Variants in FHIT observed in about 807,000 individuals in gnomAD.
FHIT encodes fragile histidine triad diadenosine triphosphatase, also known as bis(5'-adenosyl)-triphosphatase.
In FHIT, 19 loss-of-function variants were observed where a neutral mutation model predicts 17.9. The ratio of observed to expected loss-of-function variants is 1.06; its 90% confidence interval spans 0.74 to 1.56. The LOEUF (loss-of-function observed/expected upper bound fraction) is 1.56. Ranked by LOEUF, FHIT falls within the 40% of genes most tolerant of loss-of-function variation. The pLI is 0.00. For synonymous variants in FHIT, 81 were observed against 69.7 expected, an observed-to-expected ratio of 1.16 and a Z score of -0.81; for missense variants, 248 against 189.2, an observed-to-expected ratio of 1.31 and a Z score of -1.82.
intron 8 of FHIT, among the ~76,000 whole-genome samples, chr3:59,873,635 C>G (rs1703019935): frequency 6.6e-6 from 1 of 152,122 alleles, no homozygotes; most frequent in Non-Finnish European, 1.5e-5. Flanking sequence ...CATCCCTGGC[C>G]TCTACCTACT....
rs746649804 is a variant in FHIT at position 61,036,901 on chromosome 3, G to GTTTTT, written c.-111+5141_-111+5145dup. Among the ~76,000 whole-genome samples, 91 of 70,274 alleles carry GTTTTT rather than the reference G, an allele frequency of 1.3e-3. 3 individuals are homozygous for GTTTTT. Among genetic ancestry groups the GTTTTT allele is most frequent in the African/African-American group, 2.2e-3 (68 of 31,294 alleles). 46.1% of individuals were successfully genotyped at this position (70,274 alleles called of 152,430 possible). On this transcript the variant is annotated intron_variant, in intron 3 of 9. Transcript: ENST00000492590. ...TTCACCTCAAAGATCAGTCTGCTTT[G>GTTTTT]TTTTTTTTTTTTGTTTGTTTGTTTT...
intron 4 of FHIT, among the ~76,000 whole-genome samples, chr3:60,548,165 G>C (rs1027149553): frequency 5.4e-5 from 8 of 148,554 alleles, no homozygotes; most frequent in East Asian, 2.0e-4. Context: ...GAGAGAGAGA[G>C]ACACTCTTCA....
chr3:61,220,787 A>C (rs997341987), intron 1 of FHIT, among the ~76,000 whole-genome samples: 1 of 152,222 alleles, frequency 6.6e-6, no homozygotes, highest in African/African-American at 2.4e-5. Flanking sequence ...AGGAAAGGTT[A>C]GTTTTGAGTT....
At position 60,126,441 on chromosome 3, in the gene FHIT, C is replaced by A. The variant is rs766164363; in HGVS notation, c.104-112289G>T. Among the ~76,000 whole-genome samples the A allele has an allele frequency of 9.9e-5, 15 of 152,148 alleles. 1 individual carries two copies. Among genetic ancestry groups the A allele is most frequent in the Non-Finnish European group, 2.2e-4 (15 of 68,024 alleles). ...GTTAGGGAATACAGTAACAAACAAA[C>A]AAGTCATGATCTCTCATGGAATTCT... On this transcript the variant is annotated intron_variant, in intron 5 of 9. Transcript: ENST00000492590.
At chr3:60,845,519 A>C (rs1489974606) in intron 3 of FHIT, among the ~76,000 whole-genome samples, 4 of 152,148 alleles carry the variant, frequency 2.6e-5, no homozygotes, top group Non-Finnish European at 5.9e-5. Flanking sequence ...TGCATAAAAT[A>C]GTTTTCAAAA....
chr3:61,051,932 C>A (rs2034043569), intron 2 of FHIT, among the ~76,000 whole-genome samples: 1 of 152,124 alleles, frequency 6.6e-6, no homozygotes, highest in Admixed American at 6.5e-5. Flanking sequence ...CTAGTAATTT[C>A]CACACACCAT....
At chr3:59,804,615 T>A (rs1189125038) in intron 8 of FHIT, among the ~76,000 whole-genome samples, 1 of 152,218 alleles carries the variant, frequency 6.6e-6, no homozygotes, top group African/African-American at 2.4e-5. Flanking sequence ...ACTGGGTGTA[T>A]GCCCTATGTA....
chr3:60,252,763 G>A lies in FHIT; in HGVS notation c.104-238611C>T, dbSNP rs147719117. 3.5e-3 allele frequency among the ~76,000 whole-genome samples: 532 copies of A among 152,068 alleles called. 16 individuals carry two copies. The East Asian group carries it at 0.081, about 23-fold the overall frequency. ...CCCAGCACTTTGGGAGGCCGAGGCC[G>A]GTGGATCACTAGGTCAGAAGATCGA... is the stretch of plus-strand genomic sequence containing the variant. On this transcript the variant is annotated intron_variant, in intron 5 of 9. Transcript: ENST00000492590.
intron 8 of FHIT, among the ~76,000 whole-genome samples, chr3:59,838,817 A>G (rs1374093741): frequency 6.6e-6 from 1 of 152,076 alleles, no homozygotes; most frequent in Non-Finnish European, 1.5e-5. Context: ...GTGTTTTTTG[A>G]GGAGCCCTAG....
chr3:60,578,166 T>C lies in FHIT; in HGVS notation c.-17-41187A>G, dbSNP rs149912094. On this transcript the variant is annotated intron_variant, in intron 4 of 9. Transcript: ENST00000492590. The stretch of plus-strand genomic sequence containing the variant: ...AAAGTGCACACTTTAGTGCCCAGTG[T>C]GGTGGCTCACACCTGTAATCCCAGC... Among the ~76,000 whole-genome samples, 470 of 152,196 alleles carry C rather than the reference T, an allele frequency of 3.1e-3. 6 individuals carry two copies. Among genetic ancestry groups the C allele is most frequent in the African/African-American group, 0.011 (453 of 41,554 alleles).
chr3:60,364,117 A>C (rs1373501204), intron 5 of FHIT, among the ~76,000 whole-genome samples: 1 of 152,180 alleles, frequency 6.6e-6, no homozygotes, highest in Non-Finnish European at 1.5e-5. Context: ...ATATATGCTG[A>C]TTTGAATGTA....
rs149359672 is a variant in FHIT, at chr3:60,907,734, C to A, written c.-110-85723G>T. Reference sequence around the variant, plus strand: ...TACAACAAAATGTTAATAACTGGATCCTCAAGGGGGAAGAGTAATTGGGAT... The same window carrying A: ...TACAACAAAATGTTAATAACTGGATACTCAAGGGGGAAGAGTAATTGGGAT... On this transcript the variant is annotated intron_variant, in intron 3 of 9. Transcript: ENST00000492590. Among the ~76,000 whole-genome samples, 1,484 of 152,200 alleles carry A rather than the reference C, an allele frequency of 9.8e-3. 17 individuals carry two copies. Among genetic ancestry groups the A allele is most frequent in the Non-Finnish European group, 0.017 (1,170 of 67,994 alleles).
intron 2 of FHIT, among the ~76,000 whole-genome samples, chr3:61,180,894 T>A (rs894654813): frequency 6.6e-6 from 1 of 152,224 alleles, no homozygotes; most frequent in African/African-American, 2.4e-5. Flanking sequence ...GGGGCATAGT[T>A]AATGATAGTA....
At chr3:59,838,574 T>C (rs1174633244) in intron 8 of FHIT, among the ~76,000 whole-genome samples, 1 of 152,138 alleles carries the variant, frequency 6.6e-6, no homozygotes, top group South Asian at 2.1e-4. Context: ...GACACTAGCA[T>C]CTGCTCTACT....
At chr3:60,820,545 A>G (rs561709489) in intron 4 of FHIT, among the ~76,000 whole-genome samples, 1 of 152,166 alleles carries the variant, frequency 6.6e-6, no homozygotes, top group Non-Finnish European at 1.5e-5. Context: ...TCCCACAACA[A>G]GATGCAGCAA....
chr3:60,806,065 T>G (rs1328836779), intron 4 of FHIT, among the ~76,000 whole-genome samples: 1 of 152,218 alleles, frequency 6.6e-6, no homozygotes, highest in Admixed American at 6.5e-5. Flanking sequence ...CTTTGCTCCT[T>G]AAGTCCTGGC....
chr3:60,029,398 G>A (rs930862220), intron 5 of FHIT, among the ~76,000 whole-genome samples: 3 of 152,186 alleles, frequency 2.0e-5, no homozygotes, highest in Non-Finnish European at 2.9e-5. Context: ...TTTAAAACCT[G>A]TGCCAAGAAC....
At chr3:59,752,393 T>C in intron 8 of FHIT, 72 bp from the exon 9 acceptor site, 1 of 1,187,776 alleles carries the variant, frequency 8.4e-7, no homozygotes, top group Non-Finnish European at 1.2e-6. Flanking sequence ...TTCGGGGGGC[T>C]GGGGGAGACT....
chr3:60,681,180 C>A (rs782600041), intron 4 of FHIT, among the ~76,000 whole-genome samples: 15 of 152,140 alleles, frequency 9.9e-5, no homozygotes, highest in Non-Finnish European at 2.1e-4. Flanking sequence ...CATTTCACGT[C>A]TATGTATCAC....
Sources: gnomAD v4.1 joint callset for allele counts (sites outside exome capture counted in the v4.1 genomes callset) on GRCh38, gnomAD v4.1.1 for gene constraint, MANE v1.5 for transcripts, NCBI Gene and HGNC (gene_info 2026-07-23, HGNC 2026-07-21) for gene names.